LRRC4C: variants seen among roughly 807,000 people sequenced by gnomAD.
The protein encoded by LRRC4C is leucine rich repeat containing 4C, also known as leucine-rich repeat-containing protein 4C.
Under a neutral mutation model 33.6 loss-of-function variants are expected in LRRC4C, and 5 were observed. That is an observed-to-expected ratio of 0.15 (90% CI 0.08 to 0.31). The LOEUF is 0.31. Ranked by LOEUF, LRRC4C falls within the 10% of genes least tolerant of loss-of-function variation. The probability of loss-of-function intolerance (pLI) is 1.00; values close to 1 mark genes in which losing one functional copy is unlikely to be tolerated. For missense variants in LRRC4C, 560 were observed against 796.7 expected, an observed-to-expected ratio of 0.70 and a Z score of 3.58; for synonymous variants, 329 against 302.0, an observed-to-expected ratio of 1.09 and a Z score of -0.93.
chr11:41,010,160 C>G (rs1855069377), intron 1 of LRRC4C, among the ~76,000 whole-genome samples: 1 of 152,114 alleles, frequency 6.6e-6, no homozygotes, highest in African/African-American at 2.4e-5. Flanking sequence ...GACTTCTAAC[C>G]TCCAGAAACT....
intron 1 of LRRC4C, among the ~76,000 whole-genome samples, chr11:41,226,774 A>ACACACT (rs1947558806): frequency 6.6e-6 from 1 of 151,148 alleles, no homozygotes; most frequent in South Asian, 2.1e-4. Context: ...ACACACACAC[A>ACACACT]CACCCTTCTC....
chr11:40,413,282 A>G (rs1950215195), intron 3 of LRRC4C, among the ~76,000 whole-genome samples: 1 of 152,070 alleles, frequency 6.6e-6, no homozygotes, highest in East Asian at 1.9e-4. Flanking sequence ...ACTGCATCAG[A>G]CAAGGCAATC....
intron 1 of LRRC4C, among the ~76,000 whole-genome samples, chr11:41,065,153 T>C (rs1415286220): frequency 1.3e-5 from 2 of 152,166 alleles, no homozygotes; most frequent in African/African-American, 4.8e-5. Flanking sequence ...TAGGAACCAC[T>C]GGCTTGCAAT....
intron 6 of LRRC4C, among the ~76,000 whole-genome samples, chr11:40,139,922 T>G (rs1483619337): frequency 1.3e-5 from 2 of 152,208 alleles, no homozygotes; most frequent in South Asian, 4.1e-4. Flanking sequence ...GAAAATCACT[T>G]GCTTGGGTAT....
intron 3 of LRRC4C, among the ~76,000 whole-genome samples, chr11:40,367,668 T>C (rs1220055474): frequency 1.3e-5 from 2 of 152,094 alleles, no homozygotes; most frequent in African/African-American, 4.8e-5. Context: ...AACTTAGTTA[T>C]CCATATATCT....
chr11:40,275,546 C>T (rs1347496496), intron 4 of LRRC4C, among the ~76,000 whole-genome samples: 1 of 152,092 alleles, frequency 6.6e-6, no homozygotes, highest in South Asian at 2.1e-4. Context: ...AAGCAAATAG[C>T]TGCAGGAAAC....
chr11:41,161,980 T>C (rs781283450), intron 1 of LRRC4C, among the ~76,000 whole-genome samples: 43 of 152,288 alleles, frequency 2.8e-4, no homozygotes, highest in Non-Finnish European at 4.4e-4. Context: ...TTTTACCCAC[T>C]CTTAATATTT....
chr11:40,906,012 G>A (rs1956399284), intron 2 of LRRC4C, among the ~76,000 whole-genome samples: 1 of 152,090 alleles, frequency 6.6e-6, no homozygotes, highest in African/African-American at 2.4e-5. Flanking sequence ...TTTCATTGTT[G>A]TCTTATTTCC....
At chr11:41,397,135 C>G (rs1953850077) in intron 1 of LRRC4C, among the ~76,000 whole-genome samples, 1 of 151,976 alleles carries the variant, frequency 6.6e-6, no homozygotes, top group Non-Finnish European at 1.5e-5. Context: ...AATCAACCAT[C>G]ATGCTAAGCT....
chr11:40,155,723 A>C (rs1317295030), intron 5 of LRRC4C, among the ~76,000 whole-genome samples: 1 of 151,840 alleles, frequency 6.6e-6, no homozygotes, highest in Non-Finnish European at 1.5e-5. Context: ...AAATATTACC[A>C]ACAAAAAAAA....
At chr11:40,317,698 C>T (rs1475843519) in intron 4 of LRRC4C, among the ~76,000 whole-genome samples, 1 of 152,134 alleles carries the variant, frequency 6.6e-6, no homozygotes, top group Non-Finnish European at 1.5e-5. Flanking sequence ...TTACTTCCTT[C>T]ATGGTTTTAT....
At chr11:41,418,377 G>T (rs1054781304) in intron 1 of LRRC4C, among the ~76,000 whole-genome samples, 2 of 151,928 alleles carry the variant, frequency 1.3e-5, no homozygotes, top group East Asian at 3.9e-4. Context: ...ATTGCCTCTG[G>T]TATGGTTGCA....
At chr11:41,295,606 T>G (rs1310495679) in intron 1 of LRRC4C, among the ~76,000 whole-genome samples, 1 of 152,142 alleles carries the variant, frequency 6.6e-6, no homozygotes, top group Non-Finnish European at 1.5e-5. Flanking sequence ...AACATTTTTT[T>G]TTTTTTTAAT....
intron 3 of LRRC4C, among the ~76,000 whole-genome samples, chr11:40,623,917 G>T (rs1187673522): frequency 1.3e-5 from 2 of 151,918 alleles, no homozygotes; most frequent in Non-Finnish European, 2.9e-5. Flanking sequence ...TTAAAACAAT[G>T]CTTCAAAATA....
In LRRC4C at chr11:40,933,509, C is replaced by G. The variant is rs183395109; in HGVS notation, c.-407+126G>C. On this transcript the variant is annotated intron_variant, in intron 2 of 6. Coordinates refer to ENST00000528697, the MANE Select transcript of LRRC4C (RefSeq NM_001258419.2). ...TACATTCCGTGTATTAGATGATGTT[C>G]CAGCTTATTTGGCCACTCTCTCATT... The G allele has an allele frequency of 2.4e-4, 37 of 152,336 alleles. 1 individual carries two copies. Among genetic ancestry groups the G allele is most frequent in the Admixed American group, 2.0e-3 (30 of 15,298 alleles). 9.4% of individuals were successfully genotyped at this position (152,336 alleles called of 1,614,324 possible). A position where few individuals can be genotyped will look rare whatever the true frequency, so the allele number is the denominator to read the frequency against.
At chr11:41,413,661 T>C (rs780824426) in intron 1 of LRRC4C, among the ~76,000 whole-genome samples, 2 of 152,206 alleles carry the variant, frequency 1.3e-5, no homozygotes, top group Non-Finnish European at 2.9e-5. Context: ...ATGTGACCCT[T>C]TGGTTTTCTG....
chr11:40,615,235 A>ATT (rs1475974885), intron 3 of LRRC4C, among the ~76,000 whole-genome samples: 3 of 51,154 alleles, frequency 5.9e-5, no homozygotes, highest in African/African-American at 2.6e-4. Context: ...GCATTGATTT[A>ATT]TTTTATATAT....
chr11:40,723,120 C>A (rs563486930), intron 2 of LRRC4C, among the ~76,000 whole-genome samples: 57 of 152,106 alleles, frequency 3.7e-4, no homozygotes, highest in African/African-American at 1.3e-3. Context: ...AGTGACCAAA[C>A]CTATGACTCA....
intron 4 of LRRC4C, among the ~76,000 whole-genome samples, chr11:40,274,600 G>A (rs1419325475): frequency 6.6e-6 from 1 of 152,078 alleles, no homozygotes; most frequent in Non-Finnish European, 1.5e-5. Flanking sequence ...CATCCAAAAT[G>A]TCAGAGAAGG....
Sources: gnomAD v4.1 joint callset for allele counts (sites outside exome capture counted in the v4.1 genomes callset) on GRCh38, gnomAD v4.1.1 for gene constraint, MANE v1.5 for transcripts, NCBI Gene and HGNC (gene_info 2026-07-23, HGNC 2026-07-21) for gene names.